Variants in EPSTI1 observed in about 807,000 individuals in gnomAD.
EPSTI1 encodes the protein epithelial-stromal interaction protein 1.
Under a neutral mutation model 49.9 loss-of-function variants are expected in EPSTI1, and 66 were observed. The observed-to-expected ratio is 1.32, with a 90% CI of 1.08 to 1.62. EPSTI1 has a LOEUF of 1.62. Ranked by LOEUF, EPSTI1 falls within the 40% of genes most tolerant of loss-of-function variation. The pLI, the probability that EPSTI1 is intolerant of heterozygous loss-of-function variation, is 0.00. For missense variants in EPSTI1, 394 were observed against 365.5 expected, an observed-to-expected ratio of 1.08 and a Z score of -0.64; for synonymous variants, 137 against 130.7, an observed-to-expected ratio of 1.05 and a Z score of -0.33.
At chr13:42,933,075 TGATCCTGAATTG>T (rs1170005548) in intron 6 of EPSTI1, among the ~76,000 whole-genome samples, 1 of 152,178 alleles carries the variant, frequency 6.6e-6, no homozygotes, top group African/African-American at 2.4e-5. Context: ...ATGTTTTATG[TGATCCTGAATTG>T]GATCCTGAAA....
chr13:42,924,729 A>G (rs1224434217), intron 7 of EPSTI1, among the ~76,000 whole-genome samples: 1 of 152,216 alleles, frequency 6.6e-6, no homozygotes, highest in African/African-American at 2.4e-5. Flanking sequence ...TTCCTTTAAT[A>G]TAAGTTGTAG....
chr13:42,931,359 C>T (rs1415840492), intron 6 of EPSTI1, among the ~76,000 whole-genome samples: 1 of 151,778 alleles, frequency 6.6e-6, no homozygotes, highest in African/African-American at 2.4e-5. Context: ...GCGCCCGCCA[C>T]CGCGCCCGGC....
In EPSTI1 at chr13:42,967,290, A is replaced by T. The variant is rs1339973214; in HGVS notation, c.331+1804T>A. On this transcript the variant is annotated intron_variant, in intron 3 of 10. Coordinates refer to ENST00000313624, the MANE Select transcript of EPSTI1 (RefSeq NM_033255.5). ...AGAATTATCAATAAAAAAATAAATT[A>T]AAAAAAAAAAAAAAAAAAAAAGAAA... is the stretch of plus-strand genomic sequence containing the variant. Among the ~76,000 whole-genome samples, 28 of 88,092 alleles carry T rather than the reference A, an allele frequency of 3.2e-4. 7 individuals are homozygous for T. Among genetic ancestry groups the T allele is most frequent in the African/African-American group, 8.5e-4 (20 of 23,526 alleles). 57.8% of individuals were successfully genotyped at this position (88,092 alleles called of 152,430 possible).
chr13:42,890,724 C>T (rs1312892343), intron 10 of EPSTI1, among the ~76,000 whole-genome samples: 6 of 152,016 alleles, frequency 3.9e-5, no homozygotes, highest in Admixed American at 3.9e-4. Flanking sequence ...CTAACAGTGC[C>T]AAGCCTTTTT....
chr13:42,896,428 G>A (rs1208434980), intron 9 of EPSTI1, among the ~76,000 whole-genome samples: 3 of 152,130 alleles, frequency 2.0e-5, no homozygotes, highest in East Asian at 1.9e-4. Flanking sequence ...CATGCCTGGA[G>A]CTGTTCTTAT....
At chr13:42,916,787 G>GC (rs1297647837) in intron 8 of EPSTI1, among the ~76,000 whole-genome samples, 2 of 152,170 alleles carry the variant, frequency 1.3e-5, no homozygotes, top group African/African-American at 2.4e-5. Context: ...GTTAGCTGGA[G>GC]CCCCACCCCA....
At position 42,980,554 on chromosome 13, in the gene EPSTI1, T is replaced by C. The variant is rs537384029; in HGVS notation, c.189-9884A>G. On this transcript the variant is annotated intron_variant, in intron 1 of 10. Transcript: ENST00000313624. ...AACCATCAGGTCTCATAAAACTTAC[T>C]CACTTTCGAGAACAGCACAGGAAAA... 2.6e-5 allele frequency among the ~76,000 whole-genome samples: 4 copies of C among 152,202 alleles called. No individual in the cohort carries two copies. The East Asian group carries it at 7.7e-4, about 29-fold the overall frequency.
intron 6 of EPSTI1, among the ~76,000 whole-genome samples, chr13:42,933,008 G>A (rs2038429265): frequency 6.6e-6 from 1 of 152,040 alleles, no homozygotes; most frequent in Non-Finnish European, 1.5e-5. Context: ...TGAAAGAGAA[G>A]GGAAAAAATG....
intron 6 of EPSTI1, among the ~76,000 whole-genome samples, chr13:42,951,015 G>A (rs1395275619): frequency 6.6e-6 from 1 of 152,054 alleles, no homozygotes. Context: ...AAATTCATTG[G>A]GTGTGGTGGC....
intron 7 of EPSTI1, among the ~76,000 whole-genome samples, chr13:42,925,623 A>C (rs2038147909): frequency 6.6e-6 from 1 of 152,036 alleles, no homozygotes. Flanking sequence ...GCTCATTTCT[A>C]TATCCTTCTA....
chr13:42,963,357 A>G lies in EPSTI1; in HGVS notation c.406-19T>C, dbSNP rs769320962. On this transcript the variant is annotated intron_variant, in intron 4 of 10. Coordinates refer to ENST00000313624, the MANE Select transcript of EPSTI1 (RefSeq NM_033255.5). ...TTTTTAGCTAAATTGTATTGAAATT[A>G]CAGAGAACAAAAACAGTTACCATTT... 43 of 1,583,898 alleles carry G rather than the reference A, an allele frequency of 2.7e-5. No homozygotes were observed. The highest frequency in any genetic ancestry group is 3.4e-5 in the Non-Finnish European group (39 of 1,160,224).
intron 6 of EPSTI1, among the ~76,000 whole-genome samples, chr13:42,950,871 A>T (rs577547489): frequency 6.6e-6 from 1 of 152,266 alleles, no homozygotes; most frequent in Non-Finnish European, 1.5e-5. Flanking sequence ...AAATCCAAAG[A>T]GGTGGCTGGG....
At chr13:42,930,806 T>C (rs1434956617) in intron 6 of EPSTI1, among the ~76,000 whole-genome samples, 1 of 152,210 alleles carries the variant, frequency 6.6e-6, no homozygotes, top group East Asian at 1.9e-4. Flanking sequence ...ACATCATGAA[T>C]TGTCAGGTAT....
intron 8 of EPSTI1, among the ~76,000 whole-genome samples, chr13:42,914,503 A>G (rs1373738608): frequency 6.6e-6 from 1 of 152,198 alleles, no homozygotes; most frequent in South Asian, 2.1e-4. Flanking sequence ...AGAAGATAGG[A>G]ATTACAAAAA....
At chr13:42,987,217 G>A (rs1013381325) in intron 1 of EPSTI1, among the ~76,000 whole-genome samples, 3 of 152,064 alleles carry the variant, frequency 2.0e-5, no homozygotes, top group Admixed American at 6.5e-5. Flanking sequence ...GAAGTGGGGG[G>A]CAGTTTTGTG....
chr13:42,949,497 G>A (rs1416964845), intron 6 of EPSTI1, among the ~76,000 whole-genome samples: 3 of 151,808 alleles, frequency 2.0e-5, no homozygotes, highest in East Asian at 1.9e-4. Flanking sequence ...AGGCTGAGGC[G>A]GGAGAAATCG....
At chr13:42,971,926 T>G (rs981943425) in intron 1 of EPSTI1, among the ~76,000 whole-genome samples, 1 of 152,330 alleles carries the variant, frequency 6.6e-6, no homozygotes, top group East Asian at 1.9e-4. Flanking sequence ...TACAACGTTA[T>G]GAATACAAAA....
chr13:42,924,960 G>A (rs977795810), intron 7 of EPSTI1, among the ~76,000 whole-genome samples: 1 of 152,164 alleles, frequency 6.6e-6, no homozygotes, highest in Non-Finnish European at 1.5e-5. Context: ...CCCAAACTCT[G>A]AGAAACCTGA....
chr13:42,901,782 A>G (rs867724302), intron 8 of EPSTI1, among the ~76,000 whole-genome samples: 2 of 152,008 alleles, frequency 1.3e-5, no homozygotes, highest in African/African-American at 4.8e-5. Flanking sequence ...TTTTATTATT[A>G]TACTTTAAGT....
Sources: allele counts gnomAD v4.1 joint callset (sites outside exome capture counted in the v4.1 genomes callset), GRCh38; gene constraint gnomAD v4.1.1; transcripts MANE v1.5; gene names NCBI Gene and HGNC (gene_info 2026-07-23, HGNC 2026-07-21).